ELP4: variants seen among roughly 807,000 people sequenced by gnomAD.
The protein encoded by ELP4 is elongator complex protein 4.
ELP4 carries 51 observed loss-of-function variants against 48.9 expected under a neutral mutation model. The ratio of observed to expected loss-of-function variants is 1.04; its 90% confidence interval spans 0.83 to 1.32. The LOEUF (loss-of-function observed/expected upper bound fraction) is 1.32, where lower values mean the gene tolerates loss of function less well. Ranked by LOEUF, ELP4 falls within the 40% of genes most tolerant of loss-of-function variation. The pLI is 0.00. For synonymous variants in ELP4, 210 were observed against 189.2 expected (o/e 1.11, Z -0.90); for missense variants, 519 against 514.6 (o/e 1.01, Z -0.08).
intron 9 of ELP4, among the ~76,000 whole-genome samples, chr11:31,702,499 GTT>G (rs1946547020): frequency 6.6e-6 from 1 of 151,960 alleles, no homozygotes; most frequent in Non-Finnish European, 1.5e-5. Flanking sequence ...TAAATGTACA[GTT>G]CAGTACTTAA....
intron 2 of ELP4, among the ~76,000 whole-genome samples, chr11:31,533,558 T>C (rs1956442722): frequency 6.6e-6 from 1 of 151,410 alleles, no homozygotes; most frequent in Non-Finnish European, 1.5e-5. Context: ...TTTTTTTCTT[T>C]TTGTATTTTT....
intron 9 of ELP4, among the ~76,000 whole-genome samples, chr11:31,659,639 G>C (rs1945511126): frequency 6.6e-6 from 1 of 151,972 alleles, no homozygotes; most frequent in Non-Finnish European, 1.5e-5. Context: ...AATAAAACTT[G>C]AACGTATATA....
intron 9 of ELP4, among the ~76,000 whole-genome samples, chr11:31,723,953 T>C (rs890935290): frequency 1.3e-5 from 2 of 152,152 alleles, no homozygotes; most frequent in East Asian, 1.9e-4. Flanking sequence ...ATCAAATAAA[T>C]AGGGTTGTCT....
chr11:31,517,669 T>G (rs1304043725), intron 1 of ELP4, among the ~76,000 whole-genome samples: 1 of 151,920 alleles, frequency 6.6e-6, no homozygotes, highest in Admixed American at 6.6e-5. Context: ...TAGGCTGGAG[T>G]GCAGTGGCGC....
At chr11:31,639,469 C>G (rs980901990) in intron 7 of ELP4, among the ~76,000 whole-genome samples, 1 of 151,648 alleles carries the variant, frequency 6.6e-6, no homozygotes, top group Non-Finnish European at 1.5e-5. Flanking sequence ...AGCTTTTTTT[C>G]TTGTTTCAGA....
At chr11:31,565,761 G>C (rs1451782685) in intron 3 of ELP4, among the ~76,000 whole-genome samples, 2 of 151,978 alleles carry the variant, frequency 1.3e-5, no homozygotes, top group African/African-American at 4.8e-5. Context: ...GTACCATGCT[G>C]TTTTGGTTAC....
intron 5 of ELP4, among the ~76,000 whole-genome samples, chr11:31,625,459 A>T (rs970072129): frequency 6.6e-6 from 1 of 151,868 alleles, no homozygotes; most frequent in Non-Finnish European, 1.5e-5. Flanking sequence ...ACACACACAC[A>T]ATGAACTTTT....
chr11:31,676,253 T>G (rs536275817), intron 9 of ELP4, among the ~76,000 whole-genome samples: 6 of 152,244 alleles, frequency 3.9e-5, no homozygotes, highest in Non-Finnish European at 8.8e-5. Context: ...ACTGCCTCAA[T>G]GCCCTCAAAT....
intron 9 of ELP4, among the ~76,000 whole-genome samples, chr11:31,736,445 G>A (rs1032565364): frequency 2.6e-5 from 4 of 152,190 alleles, no homozygotes; most frequent in South Asian, 2.1e-4. Context: ...AACACCAAAA[G>A]CAATGGCAAC....
At chr11:31,775,672 A>G (rs1948229640) in intron 9 of ELP4, among the ~76,000 whole-genome samples, 1 of 152,032 alleles carries the variant, frequency 6.6e-6, no homozygotes, top group Non-Finnish European at 1.5e-5. Context: ...CTATCTCTAC[A>G]AAAAAGCTTA....
intron 3 of ELP4, among the ~76,000 whole-genome samples, chr11:31,576,385 G>C (rs979295487): frequency 4.6e-5 from 7 of 152,134 alleles, no homozygotes; most frequent in African/African-American, 1.2e-4. Context: ...AGATCAACAA[G>C]ACAGAAAGTT....
At chr11:31,622,866 A>G (rs1256690551) in intron 5 of ELP4, among the ~76,000 whole-genome samples, 1 of 151,668 alleles carries the variant, frequency 6.6e-6, no homozygotes, top group Non-Finnish European at 1.5e-5. Flanking sequence ...TATTAGCAGA[A>G]AAGCATGAAT....
chr11:31,673,967 C>A (rs2134111244), intron 9 of ELP4, among the ~76,000 whole-genome samples: 1 of 152,086 alleles, frequency 6.6e-6, no homozygotes, highest in East Asian at 1.9e-4. Flanking sequence ...AAAATATTGC[C>A]CATGTTAGAG....
At chr11:31,672,561 G>A (rs555320112) in intron 9 of ELP4, among the ~76,000 whole-genome samples, 6 of 152,276 alleles carry the variant, frequency 3.9e-5, no homozygotes, top group Admixed American at 6.5e-5. Flanking sequence ...AGGCTAAGGC[G>A]TGGGCGGATG....
chr11:31,532,841 G>A (rs376155597), intron 2 of ELP4, among the ~76,000 whole-genome samples: 8 of 141,062 alleles, frequency 5.7e-5, no homozygotes, highest in African/African-American at 2.1e-4. Context: ...GTGTGATCTC[G>A]GCTCATTGTA....
chr11:31,730,391 G>T (rs1467687080), intron 9 of ELP4, among the ~76,000 whole-genome samples: 2 of 152,014 alleles, frequency 1.3e-5, no homozygotes, highest in Non-Finnish European at 2.9e-5. Flanking sequence ...ATTCATAAAG[G>T]CAAGCCTTCA....
intron 9 of ELP4, among the ~76,000 whole-genome samples, chr11:31,694,522 A>G (rs1405783642): frequency 6.6e-6 from 1 of 152,040 alleles, no homozygotes; most frequent in Non-Finnish European, 1.5e-5. Context: ...ATTGGTCTAT[A>G]TCTCTGTTTT....
intron 5 of ELP4, among the ~76,000 whole-genome samples, chr11:31,624,881 T>A (rs1214255980): frequency 6.6e-6 from 1 of 151,746 alleles, no homozygotes; most frequent in Non-Finnish European, 1.5e-5. Context: ...TCAATATCAC[T>A]GTCTTCTACC....
chr11:31,748,288 A>C (rs1335113637), intron 9 of ELP4, among the ~76,000 whole-genome samples: 1 of 143,644 alleles, frequency 7.0e-6, no homozygotes, highest in African/African-American at 2.6e-5. Flanking sequence ...TCTGTTGCCC[A>C]AGCTGGAATG....
Sources: gnomAD v4.1 joint callset for allele counts (sites outside exome capture counted in the v4.1 genomes callset) on GRCh38, gnomAD v4.1.1 for gene constraint, MANE v1.5 for transcripts, NCBI Gene and HGNC (gene_info 2026-07-23, HGNC 2026-07-21) for gene names.